The following ZRANB3 variants were observed in gnomAD, a reference collection of about 807,000 sequenced individuals.
ZRANB3 encodes the protein zinc finger RANBP2-type containing 3, also known as DNA annealing helicase and endonuclease ZRANB3.
A neutral mutation model predicts 133.8 loss-of-function variants in ZRANB3; 125 were observed. The observed-to-expected ratio is 0.93, with a 90% CI of 0.81 to 1.08. The LOEUF (loss-of-function observed/expected upper bound fraction) is 1.08. ZRANB3 is among the 50% of genes least tolerant of loss of function. ZRANB3 has a pLI of 0.00. For missense variants in ZRANB3, 1,229 were observed against 1,275.5 expected, an observed-to-expected ratio of 0.96 and a Z score of 0.56; for synonymous variants, 387 against 432.7, an observed-to-expected ratio of 0.89 and a Z score of 1.31.
intron 17 of ZRANB3, among the ~76,000 whole-genome samples, chr2:135,209,218 G>A (rs1694001808): frequency 6.6e-6 from 1 of 152,092 alleles, no homozygotes; most frequent in South Asian, 2.1e-4. Context: ...AGAAATTCAA[G>A]AGTCATTCAA....
chr2:135,517,204 C>A (rs1360783480), intron 1 of ZRANB3, among the ~76,000 whole-genome samples: 1 of 152,030 alleles, frequency 6.6e-6, no homozygotes, highest in Non-Finnish European at 1.5e-5. Flanking sequence ...AGCTTCCCTG[C>A]ATTGGGGTAG....
At chr2:135,271,649 T>G (rs1680519035) in intron 10 of ZRANB3, 119 bp downstream of exon 10, 1 of 1,186,640 alleles carries the variant, frequency 8.4e-7, no homozygotes, top group Non-Finnish European at 1.2e-6. Context: ...GAATTACTAT[T>G]TATTATACAA....
chr2:135,516,445 C>CT (rs1693702262), intron 1 of ZRANB3, among the ~76,000 whole-genome samples: 1 of 152,122 alleles, frequency 6.6e-6, no homozygotes, highest in Non-Finnish European at 1.5e-5. Context: ...TTCAGGAGCT[C>CT]TTGTAAGGCA....
At chr2:135,490,195 G>T (rs536163342) in intron 2 of ZRANB3, among the ~76,000 whole-genome samples, 1 of 152,274 alleles carries the variant, frequency 6.6e-6, no homozygotes, top group African/African-American at 2.4e-5. Context: ...CCCCACAGAT[G>T]TGTAATTATA....
intron 9 of ZRANB3, 122 bp from the exon 10 acceptor site, chr2:135,272,009 A>C: frequency 1.9e-6 from 2 of 1,075,590 alleles, no homozygotes; most frequent in Non-Finnish European, 2.5e-6. Flanking sequence ...AAGGTGACAG[A>C]TTGGTAAATG....
intron 2 of ZRANB3, among the ~76,000 whole-genome samples, chr2:135,475,985 A>G (rs971757927): frequency 1.3e-5 from 2 of 152,096 alleles, no homozygotes; most frequent in Admixed American, 6.6e-5. Context: ...GGCTGAGGCA[A>G]GAGAATCGTT....
chr2:135,268,499 T>C (rs939063601), intron 11 of ZRANB3, among the ~76,000 whole-genome samples: 2 of 152,148 alleles, frequency 1.3e-5, no homozygotes, highest in African/African-American at 4.8e-5. Context: ...AAGTCCTTTC[T>C]ATAAACATTG....
rs1692969215 is a variant in ZRANB3 at position 135,501,967 on chromosome 2, T to C, written c.161+2362A>G. ...TTTTGAGACTCAAGGGTATTATCAA[T>C]GACAATTATGGAAGCCAGAAGACAG... On this transcript the variant is annotated intron_variant, in intron 2 of 20. Coordinates refer to ENST00000264159, the MANE Select transcript of ZRANB3 (RefSeq NM_032143.4). Among the ~76,000 whole-genome samples the C allele has an allele frequency of 2.0e-5, 3 of 152,204 alleles. No individual in the cohort carries two copies. The Middle Eastern group carries it at 0.01, about 518-fold the overall frequency.
At chr2:135,417,099 A>C (rs958804387) in intron 2 of ZRANB3, among the ~76,000 whole-genome samples, 2 of 152,208 alleles carry the variant, frequency 1.3e-5, no homozygotes, top group Non-Finnish European at 2.9e-5. Context: ...CAAAAGCCAA[A>C]ATTGACAAAT....
intron 12 of ZRANB3, among the ~76,000 whole-genome samples, chr2:135,236,544 CA>C (rs1274708377): frequency 6.6e-6 from 1 of 152,166 alleles, no homozygotes; most frequent in Non-Finnish European, 1.5e-5. Context: ...AGCTATACTA[CA>C]AAGCTACAGT....
chr2:135,490,290 TAAG>T (rs1195166799), intron 2 of ZRANB3, among the ~76,000 whole-genome samples: 1 of 152,066 alleles, frequency 6.6e-6, no homozygotes, highest in East Asian at 1.9e-4. Context: ...CCAGAATATA[TAAG>T]AAAACTCTAT....
intron 17 of ZRANB3, among the ~76,000 whole-genome samples, chr2:135,215,145 T>C (rs1352712300): frequency 1.3e-5 from 2 of 152,222 alleles, no homozygotes; most frequent in Non-Finnish European, 2.9e-5. Context: ...CTCAAGCTCT[T>C]GACCTCAAGT....
At chr2:135,344,424 G>T (rs551372943) in intron 6 of ZRANB3, among the ~76,000 whole-genome samples, 1 of 152,238 alleles carries the variant, frequency 6.6e-6, no homozygotes, top group South Asian at 2.1e-4. Flanking sequence ...CTAAACAGTA[G>T]AATAGATACA....
At chr2:135,437,731 A>G (rs1047363014) in intron 2 of ZRANB3, among the ~76,000 whole-genome samples, 3 of 152,234 alleles carry the variant, frequency 2.0e-5, no homozygotes, top group Non-Finnish European at 4.4e-5. Context: ...ATTCTCATAA[A>G]AAACATCCTA....
intron 17 of ZRANB3, among the ~76,000 whole-genome samples, chr2:135,212,262 T>C (rs1471079269): frequency 6.6e-6 from 1 of 152,162 alleles, no homozygotes; most frequent in East Asian, 1.9e-4. Context: ...GTTCCCAAAT[T>C]TCCTCCTTCT....
In ZRANB3 at chr2:135,207,626, T is replaced by C. The variant is rs767895088; in HGVS notation, c.2817A>G (p.Lys939=). The C allele has an allele frequency of 6.2e-7, 1 of 1,614,020 alleles. No homozygotes were observed. Among genetic ancestry groups the C allele is most frequent in the Non-Finnish European group, 8.5e-7 (1 of 1,179,880 alleles). Residue 939 remains lysine, a synonymous_variant, in exon 19 of 21, where the codon AAA becomes AAG. Coordinates refer to ENST00000264159, the MANE Select transcript of ZRANB3 (RefSeq NM_032143.4). ...ATCGAATCCAAAACTCTTCCTGACA[T>C]TTCAGAGAGCAAAACCGTGAATCCC... ...NSWDSRFCSL[K]CQEEFWIRSN...
At chr2:135,466,063 T>C (rs998835248) in intron 2 of ZRANB3, among the ~76,000 whole-genome samples, 2 of 152,122 alleles carry the variant, frequency 1.3e-5, no homozygotes, top group African/African-American at 4.8e-5. Flanking sequence ...ACTAAAATAA[T>C]ACAGAATCTG....
intron 8 of ZRANB3, among the ~76,000 whole-genome samples, chr2:135,308,400 G>A (rs1270842082): frequency 6.6e-6 from 1 of 152,126 alleles, no homozygotes; most frequent in Non-Finnish European, 1.5e-5. Context: ...TTTAGTGTAA[G>A]AAAGGGGTAT....
rs148134547 is a variant in ZRANB3, at chr2:135,298,127, C to T, written c.966+15362G>A. On this transcript the variant is annotated intron_variant, in intron 8 of 20. Transcript: ENST00000264159. The stretch of plus-strand genomic sequence containing the variant: ...CCTGTTGTCCTAGCTACTGGGGAGG[C>T]TGAGGCATGATAATTGCTTGAACCC... Among the ~76,000 whole-genome samples, 451 of 152,198 alleles carry T rather than the reference C, an allele frequency of 3.0e-3. 2 individuals carry two copies. The highest frequency in any genetic ancestry group is 0.01 in the African/African-American group (420 of 41,520).
Sources: allele counts gnomAD v4.1 joint callset (sites outside exome capture counted in the v4.1 genomes callset), GRCh38; gene constraint gnomAD v4.1.1; transcripts MANE v1.5; gene names NCBI Gene and HGNC (gene_info 2026-07-23, HGNC 2026-07-21).